FBXO8: variants seen among roughly 807,000 people sequenced by gnomAD.
FBXO8 encodes F-box protein 8, also known as F-box only protein 8.
A neutral mutation model predicts 33.4 loss-of-function variants in FBXO8; 15 were observed. That is an observed-to-expected ratio of 0.45 (90% confidence interval 0.30 to 0.69). The LOEUF is 0.69. FBXO8 is among the 30% of genes least tolerant of loss of function. The probability of loss-of-function intolerance (pLI) is 0.08; values close to 1 mark genes in which losing one functional copy is unlikely to be tolerated. For synonymous variants in FBXO8, 132 were observed against 131.5 expected, an observed-to-expected ratio of 1.00 and a Z score of -0.02; for missense variants, 274 against 380.3, an observed-to-expected ratio of 0.72 and a Z score of 2.32.
chr4:174,260,411 A>G (rs1579029284), intron 2 of FBXO8, among the ~76,000 whole-genome samples: 1 of 152,058 alleles, frequency 6.6e-6, no homozygotes, highest in African/African-American at 2.4e-5. Flanking sequence ...GGGCAGGGAA[A>G]CAGCTTTTGT....
chr4:174,283,333 T>A lies in FBXO8; in HGVS notation c.-9+77A>T, dbSNP rs1182220875. The A allele has an allele frequency of 6.5e-6, 1 of 152,702 alleles. No individual in the cohort carries two copies. Among genetic ancestry groups the A allele is most frequent in the African/African-American group, 2.4e-5 (1 of 41,452 alleles). The allele number at this position is 152,702 out of a possible 1,614,324, so 9.5% of individuals were successfully genotyped here. On this transcript the variant is annotated intron_variant, in intron 1 of 5. Coordinates refer to ENST00000393674, the MANE Select transcript of FBXO8 (RefSeq NM_012180.3). This position sits in a 1 kb window ranked among gnomAD's most constrained non-coding sequence, Gnocchi z 6.7. ...TCGGCCAACTGGCAAGCACTGGTTG[T>A]CTTTATTTTCGAGAAAAGTGAAGGT... is the stretch of plus-strand genomic sequence containing the variant.
In FBXO8 at chr4:174,267,934, T is replaced by C. The variant is rs1736729114; in HGVS notation, c.-8-4834A>G. On this transcript the variant is annotated intron_variant, in intron 1 of 5. Transcript: ENST00000393674. The surrounding 1 kb of genome is among the most constrained non-coding windows in gnomAD (Gnocchi z 4.7). ...TTGTATTTGAAATCACTAGTTTTGG[T>C]GTAAATATGGATTTTGTGATGAAAC... is the stretch of plus-strand genomic sequence containing the variant. Among the ~76,000 whole-genome samples, 1 of 152,186 alleles carries C rather than the reference T, an allele frequency of 6.6e-6. No individual in the cohort carries two copies. Among genetic ancestry groups the C allele is most frequent in the African/African-American group, 2.4e-5 (1 of 41,444 alleles).
Position 174,239,127 on chromosome 4 carries a change from T to C in FBXO8, c.639A>G (p.Ala213=). ...GGATATGACGAAAAAATTCTCTCAG[T>C]GCATTTGGCAAGAACTGATTTCTAA... ...HNFRNQFLPN[A]LREFFRHIHA... The change falls in exon 5 of 6, where the codon GCA becomes GCG. Residue 213 remains alanine (A), a synonymous_variant. Coordinates refer to ENST00000393674, the MANE Select transcript of FBXO8 (RefSeq NM_012180.3). 6.2e-7 allele frequency: 1 copy of C among 1,602,172 alleles called. No individual in the cohort carries two copies.
rs1736038895 is a variant in FBXO8, at chr4:174,241,540, C to T, written c.457-322G>A. Reference sequence around the variant, plus strand: ...GGGGGCTGCAGATGAAACCACAATACAGACGTTAAAACAAGCCTTTTAACA... The same window carrying T: ...GGGGGCTGCAGATGAAACCACAATATAGACGTTAAAACAAGCCTTTTAACA... On this transcript the variant is annotated intron_variant, in intron 3 of 5. Coordinates refer to ENST00000393674, the MANE Select transcript of FBXO8 (RefSeq NM_012180.3). This position sits in a 1 kb window ranked among gnomAD's most constrained non-coding sequence, Gnocchi z 4.2. Among the ~76,000 whole-genome samples, 1 of 151,472 alleles carries T rather than the reference C, an allele frequency of 6.6e-6. No individual in the cohort carries two copies.
intron 1 of FBXO8, among the ~76,000 whole-genome samples, chr4:174,276,159 C>T (rs1736955809): frequency 6.6e-6 from 1 of 151,904 alleles, no homozygotes; most frequent in African/African-American, 2.4e-5. Context: ...TCTTATATGC[C>T]CTTGTTTCCA....
intron 1 of FBXO8, among the ~76,000 whole-genome samples, chr4:174,276,359 T>C (rs961366170): frequency 2.0e-5 from 3 of 152,136 alleles, no homozygotes; most frequent in Non-Finnish European, 4.4e-5. Flanking sequence ...TGCCTCAGTC[T>C]CCCGAGTAGC....
rs1307572507 is a variant in FBXO8, at chr4:174,274,266, T to C, written c.-9+9144A>G. ...AATCTGATTAGCCTGTGATTTCTGA[T>C]CCTCATTCTTCTCATTAGTAAAATA... On this transcript the variant is annotated intron_variant, in intron 1 of 5. Coordinates refer to ENST00000393674, the MANE Select transcript of FBXO8 (RefSeq NM_012180.3). This position sits in a 1 kb window ranked among gnomAD's most constrained non-coding sequence, Gnocchi z 4.0. Among the ~76,000 whole-genome samples, 2 of 152,234 alleles carry C rather than the reference T, an allele frequency of 1.3e-5. No individual in the cohort carries two copies. The highest frequency in any genetic ancestry group is 4.8e-5 in the African/African-American group (2 of 41,466).
Position 174,283,164 on chromosome 4 carries a change from C to G in FBXO8, c.-9+246G>C, listed in dbSNP as rs112672221. Among the ~76,000 whole-genome samples, 3 of 152,306 alleles carry G rather than the reference C, an allele frequency of 2.0e-5. No homozygotes were observed. The highest frequency in any genetic ancestry group is 7.2e-5 in the African/African-American group (3 of 41,568). ...TTACTACTTGGAGTCCTAAACCGAA[C>G]TACACCCCAATGGCCTAGAAACAGA... On this transcript the variant is annotated intron_variant, in intron 1 of 5. Coordinates refer to ENST00000393674, the MANE Select transcript of FBXO8 (RefSeq NM_012180.3). The surrounding 1 kb of genome is among the most constrained non-coding windows in gnomAD (Gnocchi z 6.7).
rs1736575263 is a variant in FBXO8 at position 174,262,012 on chromosome 4, A to G, written c.329+752T>C. On this transcript the variant is annotated intron_variant, in intron 2 of 5. Transcript: ENST00000393674. This position sits in a 1 kb window ranked among gnomAD's most constrained non-coding sequence, Gnocchi z 4.6. Reference sequence around the variant, plus strand: ...TTAGGCCAAAAAATCATGTACCTATACTTTTTGTTAAAGTATATGATGCTA... The same window carrying G: ...TTAGGCCAAAAAATCATGTACCTATGCTTTTTGTTAAAGTATATGATGCTA... Among the ~76,000 whole-genome samples, 1 of 152,116 alleles carries G rather than the reference A, an allele frequency of 6.6e-6. No homozygotes were observed. Among genetic ancestry groups the G allele is most frequent in the Non-Finnish European group, 1.5e-5 (1 of 67,964 alleles).
intron 1 of FBXO8, among the ~76,000 whole-genome samples, chr4:174,273,537 T>C (rs1191368600): frequency 6.6e-6 from 1 of 152,108 alleles, no homozygotes; most frequent in African/African-American, 2.4e-5. Context: ...TTTCCTAAAC[T>C]TGATAACTGT....
rs909788500 is a variant in FBXO8 at position 174,272,712 on chromosome 4, A to G, written c.-8-9612T>C. Among the ~76,000 whole-genome samples, 2 of 152,236 alleles carry G rather than the reference A, an allele frequency of 1.3e-5. No homozygotes were observed. Among genetic ancestry groups the G allele is most frequent in the African/African-American group, 4.8e-5 (2 of 41,476 alleles). On this transcript the variant is annotated intron_variant, in intron 1 of 5. Coordinates refer to ENST00000393674, the MANE Select transcript of FBXO8 (RefSeq NM_012180.3). This position sits in a 1 kb window ranked among gnomAD's most constrained non-coding sequence, Gnocchi z 4.7. ...AAGAATTATCAATGGATGTTGTTGA[A>G]TCTGGAGTTTGACAAAGAATGGAAT...
intron 1 of FBXO8, among the ~76,000 whole-genome samples, chr4:174,273,453 T>C (rs909222693): frequency 2.0e-5 from 3 of 152,014 alleles, no homozygotes; most frequent in African/African-American, 7.3e-5. Context: ...TCGCACATTA[T>C]TGAGATAAAT....
intron 3 of FBXO8, among the ~76,000 whole-genome samples, chr4:174,246,635 CA>C (rs1736165165): frequency 6.6e-6 from 1 of 150,694 alleles, no homozygotes; most frequent in Non-Finnish European, 1.5e-5. Flanking sequence ...TGTTAGAAGA[CA>C]AAAAGAGAGG....
chr4:174,245,713 C>T lies in FBXO8; in HGVS notation c.457-4495G>A, dbSNP rs1216033788. On this transcript the variant is annotated intron_variant, in intron 3 of 5. Transcript: ENST00000393674. The surrounding 1 kb of genome is among the most constrained non-coding windows in gnomAD (Gnocchi z 4.6). ...AAAAATTAGATAGTGGGCTATTCAG[C>T]GGAGCACTCACTTAAAAAATAAAAA... 6.6e-6 allele frequency among the ~76,000 whole-genome samples: 1 copy of T among 151,668 alleles called. No homozygotes were observed. Among genetic ancestry groups the T allele is most frequent in the African/African-American group, 2.4e-5 (1 of 41,292 alleles).
chr4:174,281,868 A>G lies in FBXO8; in HGVS notation c.-9+1542T>C, dbSNP rs182322333. Among the ~76,000 whole-genome samples, 1 of 152,376 alleles carries G rather than the reference A, an allele frequency of 6.6e-6. No individual in the cohort carries two copies. Among genetic ancestry groups the G allele is most frequent in the Admixed American group, 6.5e-5 (1 of 15,306 alleles). ...TAGATGTATTTCATTTAAATTGTTTAAAAAATTATTTAAGTAAAATAATTC... is the reference window on the plus strand; with the variant it reads ...TAGATGTATTTCATTTAAATTGTTTGAAAAATTATTTAAGTAAAATAATTC... On this transcript the variant is annotated intron_variant, in intron 1 of 5. Transcript: ENST00000393674. The surrounding 1 kb of genome is among the most constrained non-coding windows in gnomAD (Gnocchi z 4.6).
Position 174,239,040 on chromosome 4 carries a change from G to T in FBXO8, c.726C>A (p.Phe242Leu). Reference protein sequence around the residue: ...ETLITKFSHRFCACNPDLMRE... With the variant: ...ETLITKFSHRLCACNPDLMRE... Reference sequence around the variant, plus strand: ...GCATTAAATCAGGGTTGCAAGCACAGAATCTATGTGAGAACTTTGTTATAA... The same window carrying T: ...GCATTAAATCAGGGTTGCAAGCACATAATCTATGTGAGAACTTTGTTATAA... The change falls in exon 5 of 6, where the codon TTC (phenylalanine) becomes TTA (leucine). Residue 242 changes from phenylalanine (F) to leucine (L), a missense_variant. This residue lies in a region of FBXO8 where 186 missense variants were observed against 293.4 expected (regional missense o/e 0.63). Transcript: ENST00000393674. 6.3e-7 allele frequency: 1 copy of T among 1,598,042 alleles called. No homozygotes were observed. Among genetic ancestry groups the T allele is most frequent in the Non-Finnish European group, 8.5e-7 (1 of 1,171,222 alleles).
In FBXO8 at chr4:174,257,036, A is replaced by G. The variant is rs989023474; in HGVS notation, c.456+2663T>C. 1.3e-5 allele frequency among the ~76,000 whole-genome samples: 2 copies of G among 152,146 alleles called. No homozygotes were observed. The highest frequency in any genetic ancestry group is 4.8e-5 in the African/African-American group (2 of 41,442). On this transcript the variant is annotated intron_variant, in intron 3 of 5. Transcript: ENST00000393674. This position sits in a 1 kb window ranked among gnomAD's most constrained non-coding sequence, Gnocchi z 4.3. ...ACTTAAATCCCCTCCCTTAACAAAC[A>G]TTTGACTTATAATTTTAAAAAATTA...
At position 174,267,325 on chromosome 4, in the gene FBXO8, G is replaced by A. The variant is rs147507954; in HGVS notation, c.-8-4225C>T. On this transcript the variant is annotated intron_variant, in intron 1 of 5. Transcript: ENST00000393674. This position sits in a 1 kb window ranked among gnomAD's most constrained non-coding sequence, Gnocchi z 4.7. ...CACTTTTCGAGAAGCTGAGGCAGGA[G>A]GACTGCTTGAGACCAAGAGTTCAAG... 4.5e-4 allele frequency among the ~76,000 whole-genome samples: 69 copies of A among 152,216 alleles called. No individual in the cohort carries two copies. The East Asian group carries it at 0.012, about 26-fold the overall frequency.
In FBXO8 at chr4:174,253,237, T is replaced by C. The variant is rs1455380354; in HGVS notation, c.456+6462A>G. ...GATTTTTAAAAAATTACTTTTATCA[T>C]AGGATATAGTGCCACTAGAAGGAAC... On this transcript the variant is annotated intron_variant, in intron 3 of 5. Transcript: ENST00000393674. The surrounding 1 kb of genome is among the most constrained non-coding windows in gnomAD (Gnocchi z 4.5). Among the ~76,000 whole-genome samples the C allele has an allele frequency of 6.6e-6, 1 of 152,188 alleles. No individual in the cohort carries two copies. Among genetic ancestry groups the C allele is most frequent in the Non-Finnish European group, 1.5e-5 (1 of 68,018 alleles).
Sources: allele counts gnomAD v4.1 joint callset (sites outside exome capture counted in the v4.1 genomes callset), GRCh38; gene constraint gnomAD v4.1.1; regional missense constraint gnomAD v4.1.1; non-coding constraint Gnocchi (gnomAD v3.1); transcripts MANE v1.5; gene names NCBI Gene and HGNC (gene_info 2026-07-23, HGNC 2026-07-21).